Variants in ZDHHC21 observed in about 807,000 individuals in gnomAD.
ZDHHC21 encodes zDHHC palmitoyltransferase 21, also known as palmitoyltransferase ZDHHC21.
Under a neutral mutation model 34.6 loss-of-function variants are expected in ZDHHC21, and 15 were observed. The ratio of observed to expected loss-of-function variants is 0.43; its 90% CI spans 0.29 to 0.67. The LOEUF (loss-of-function observed/expected upper bound fraction) is 0.67, where lower values mean the gene tolerates loss of function less well. ZDHHC21 is among the 30% of genes least tolerant of loss of function. ZDHHC21 has a pLI of 0.14. For missense variants in ZDHHC21, 344 were observed against 327.7 expected (o/e 1.05, Z -0.38); for synonymous variants, 142 against 101.8 (o/e 1.40, Z -2.38).
the ZDHHC21 span, among the ~76,000 whole-genome samples, chr9:14,595,055 T>C: frequency 6.6e-6 from 1 of 152,194 alleles, no homozygotes. Context: ...GAAAAACTCA[T>C]ACATTTCTAG....
chr9:14,686,401 AG>A (rs1443058774), intron 2 of ZDHHC21, among the ~76,000 whole-genome samples: 2 of 152,136 alleles, frequency 1.3e-5, no homozygotes, highest in Non-Finnish European at 1.5e-5. Flanking sequence ...CAGGGAACAA[AG>A]GCCAAGTTAC....
chr9:14,686,445 C>CA (rs2131668729), intron 2 of ZDHHC21, among the ~76,000 whole-genome samples: 1 of 152,236 alleles, frequency 6.6e-6, no homozygotes, highest in East Asian at 1.9e-4. Flanking sequence ...ACCACAGCAA[C>CA]AGCAGACTAT....
At chr9:14,624,224 TA>T (rs1394004250) in intron 8 of ZDHHC21, among the ~76,000 whole-genome samples, 1 of 152,114 alleles carries the variant, frequency 6.6e-6, no homozygotes, top group South Asian at 2.1e-4. Flanking sequence ...AAGATGTCCA[TA>T]AGTTATATTC....
chr9:14,658,464 CT>C (rs769819264), intron 7 of ZDHHC21, among the ~76,000 whole-genome samples: 11 of 65,388 alleles, frequency 1.7e-4, no homozygotes, highest in African/African-American at 4.4e-4. Context: ...ATAAACATTT[CT>C]TTTTTTTTTT....
chr9:14,680,917 T>A (rs1021617518), intron 2 of ZDHHC21, among the ~76,000 whole-genome samples: 2 of 152,094 alleles, frequency 1.3e-5, no homozygotes, highest in Admixed American at 6.6e-5. Flanking sequence ...TAAATAGCCA[T>A]CAGGAAAAGA....
At chr9:14,626,907 A>G (rs529158015) in intron 8 of ZDHHC21, among the ~76,000 whole-genome samples, 2 of 152,236 alleles carry the variant, frequency 1.3e-5, no homozygotes, top group South Asian at 2.1e-4. Context: ...CATTAGAAAT[A>G]CATTTATTTT....
At chr9:14,598,925 A>AT in the ZDHHC21 span, among the ~76,000 whole-genome samples, 7 of 150,870 alleles carry the variant, frequency 4.6e-5, no homozygotes, top group Admixed American at 2.0e-4. Context: ...GCCTAGCTAA[A>AT]TTTTTTTTTG....
intron 2 of ZDHHC21, among the ~76,000 whole-genome samples, chr9:14,686,834 G>A (rs1041260297): frequency 1.3e-5 from 2 of 150,302 alleles, no homozygotes; most frequent in African/African-American, 5.0e-5. Context: ...TAAGCTGGGC[G>A]TGGTGGTGTG....
At chr9:14,691,539 G>A (rs1046340653) in intron 1 of ZDHHC21, among the ~76,000 whole-genome samples, 1 of 152,188 alleles carries the variant, frequency 6.6e-6, no homozygotes, top group Non-Finnish European at 1.5e-5. Flanking sequence ...TCTTGTCTCA[G>A]AACTTCCTGT....
intron 6 of ZDHHC21, among the ~76,000 whole-genome samples, chr9:14,660,225 G>C (rs13291396): frequency 0.42 from 63,105 of 151,460 alleles, 13,317 homozygotes; most frequent in African/African-American, 0.45. Context: ...AATTAGCCAA[G>C]CATGGTGGCA....
In ZDHHC21 at chr9:14,618,861, G is replaced by A; in HGVS notation, c.*105C>T. 1 of 1,306,036 alleles carries A rather than the reference G, an allele frequency of 7.7e-7. No individual in the cohort carries two copies. Among genetic ancestry groups the A allele is most frequent in the Non-Finnish European group, 1.0e-6 (1 of 989,186 alleles). 80.9% of individuals were successfully genotyped at this position (1,306,036 alleles called of 1,614,324 possible). ...GGGCACATTATGATGCCTAAGACTG[G>A]TGGGTGGATTTTAATTGACTTGAAG... On this transcript the variant is annotated 3_prime_UTR_variant, in exon 10 of 10. Transcript: ENST00000380916.
intron 3 of ZDHHC21, among the ~76,000 whole-genome samples, chr9:14,679,447 A>C (rs1463670212): frequency 6.6e-6 from 1 of 152,190 alleles, no homozygotes; most frequent in Non-Finnish European, 1.5e-5. Flanking sequence ...TTGTTAGAAA[A>C]AATATGCAGG....
chr9:14,597,784 C>T, the ZDHHC21 span, among the ~76,000 whole-genome samples: 1 of 152,274 alleles, frequency 6.6e-6, no homozygotes, highest in East Asian at 1.9e-4. Flanking sequence ...GACAACAGGC[C>T]TGCTCTGCTC....
intron 8 of ZDHHC21, among the ~76,000 whole-genome samples, chr9:14,624,215 A>G (rs1191692568): frequency 6.6e-6 from 1 of 152,166 alleles, no homozygotes; most frequent in Non-Finnish European, 1.5e-5. Flanking sequence ...GTACAAGGGA[A>G]GATGTCCATA....
In ZDHHC21 at chr9:14,613,416, A is replaced by G. The variant is rs1465431215; in HGVS notation, c.*5550T>C. 1 of 151,810 alleles carries G rather than the reference A, an allele frequency of 6.6e-6. No individual in the cohort carries two copies. The highest frequency in any genetic ancestry group is 1.9e-4 in the East Asian group (1 of 5,192). The allele number at this position is 151,810 out of a possible 1,614,324, so 9.4% of individuals were successfully genotyped here. On this transcript the variant is annotated 3_prime_UTR_variant, in exon 10 of 10. Transcript: ENST00000380916. ...ACTTCAGGCACCAGTAGGTTAAAAT[A>G]TCATCCAATGTATACTGGCAAGAAT... is the stretch of plus-strand genomic sequence containing the variant.
intron 7 of ZDHHC21, among the ~76,000 whole-genome samples, chr9:14,652,779 G>A (rs1482279639): frequency 6.6e-6 from 1 of 151,854 alleles, no homozygotes; most frequent in Non-Finnish European, 1.5e-5. Context: ...TTACATCAAT[G>A]GTCAAAGTGC....
intron 4 of ZDHHC21, 39 bp from the exon 5 acceptor site, chr9:14,672,967 C>A: frequency 7.9e-7 from 1 of 1,259,298 alleles, no homozygotes. Flanking sequence ...GTCACTTACC[C>A]TTCAAAACAT....
At position 14,614,834 on chromosome 9, in the gene ZDHHC21, T is replaced by A. The variant is rs1232257068; in HGVS notation, c.*4132A>T. On this transcript the variant is annotated 3_prime_UTR_variant, in exon 10 of 10. Coordinates refer to ENST00000380916, the MANE Select transcript of ZDHHC21 (RefSeq NM_178566.6). ...ATATTTGTATCTATTAGCAAACTAC[T>A]CAATGTTTGTATGTGTGAATTTTAT... The A allele has an allele frequency of 6.6e-6, 1 of 151,698 alleles. No individual in the cohort carries two copies. The highest frequency in any genetic ancestry group is 1.5e-5 in the Non-Finnish European group (1 of 67,704). The allele number at this position is 151,698 out of a possible 1,614,324, so 9.4% of individuals were successfully genotyped here. A position where few individuals can be genotyped will look rare whatever the true frequency, so the allele number is the denominator to read the frequency against.
At chr9:14,630,637 T>G (rs1308616934) in intron 8 of ZDHHC21, among the ~76,000 whole-genome samples, 2 of 152,220 alleles carry the variant, frequency 1.3e-5, no homozygotes, top group Non-Finnish European at 2.9e-5. Context: ...CTACAGCAGC[T>G]ATAGCCCATG....
Sources: gnomAD v4.1 joint callset for allele counts (sites outside exome capture counted in the v4.1 genomes callset) on GRCh38, gnomAD v4.1.1 for gene constraint, MANE v1.5 for transcripts, NCBI Gene and HGNC (gene_info 2026-07-23, HGNC 2026-07-21) for gene names.